Variants in ZCCHC2 observed in about 807,000 individuals in gnomAD.
ZCCHC2 encodes the protein zinc finger CCHC domain-containing protein 2.
A neutral mutation model predicts 103.6 loss-of-function variants in ZCCHC2; 39 were observed. That is an observed-to-expected ratio of 0.38 (90% CI 0.29 to 0.49). ZCCHC2 has a LOEUF of 0.49. ZCCHC2 is among the 20% of genes least tolerant of loss of function. ZCCHC2 has a pLI of 0.96. For missense variants in ZCCHC2, 1,483 were observed against 1,491.0 expected, an observed-to-expected ratio of 0.99 and a Z score of 0.09; for synonymous variants, 687 against 608.9, an observed-to-expected ratio of 1.13 and a Z score of -1.89.
chr18:62,574,486 A>G lies in ZCCHC2; in HGVS notation c.2405A>G (p.His802Arg). 6.2e-7 allele frequency: 1 copy of G among 1,613,866 alleles called. No individual in the cohort carries two copies. Among genetic ancestry groups the G allele is most frequent in the Admixed American group, 1.7e-5 (1 of 60,012 alleles). Reference sequence around the variant, plus strand: ...CCTATTCCATCAACCTTCCTTCCACACAGTAGTACTCCCGCTTTGCATCTT... The same window carrying G: ...CCTATTCCATCAACCTTCCTTCCACGCAGTAGTACTCCCGCTTTGCATCTT... ...PLPIPSTFLPHSSTPALHLTV... is the reference protein window; with the variant it reads ...PLPIPSTFLPRSSTPALHLTV... Residue 802 changes from histidine (H) to arginine (R), a missense_variant, in exon 13 of 14, where the codon CAC becomes CGC. His to Arg is a conservative substitution (Grantham distance 29). Coordinates refer to ENST00000269499, the MANE Select transcript of ZCCHC2 (RefSeq NM_017742.6).
chr18:62,551,446 G>A (rs1915659190), intron 5 of ZCCHC2: 1 of 152,216 alleles, frequency 6.6e-6, no homozygotes, highest in East Asian at 1.9e-4. Context: ...GTGACAGAAA[G>A]ACAATGAGGC....
chr18:62,542,615 C>T (rs372609090), intron 3 of ZCCHC2, 41 bp downstream of exon 3: 3 of 1,496,056 alleles, frequency 2.0e-6, no homozygotes, highest in Non-Finnish European at 2.7e-6. Flanking sequence ...ACGTGCTGTG[C>T]TCAATGATCT....
chr18:62,576,716 T>G lies in ZCCHC2; in HGVS notation c.*137T>G, dbSNP rs1916857759. The G allele has an allele frequency of 5.0e-6, 4 of 797,276 alleles. No homozygotes were observed. The highest frequency in any genetic ancestry group is 7.9e-6 in the Non-Finnish European group (4 of 506,318). 49.4% of individuals were successfully genotyped at this position (797,276 alleles called of 1,614,324 possible). On this transcript the variant is annotated 3_prime_UTR_variant, in exon 14 of 14. Transcript: ENST00000269499. ...ATGCAGTTGGGATTTTTCATTTCTC[T>G]TGTACCAATGTCCAAAACAAGAAAG...
chr18:62,564,639 G>C lies in ZCCHC2; in HGVS notation c.1751+4G>C, dbSNP rs1458804526. On this transcript the variant is annotated splice_donor_region_variant and intron_variant, in intron 10 of 13. Transcript: ENST00000269499. ...AAGGAAAGCCACAAACAGAAAAGTA[G>C]GTTCAATTTAAGGAAAGACAGCATA... 6.5e-7 allele frequency: 1 copy of C among 1,539,686 alleles called. No individual in the cohort carries two copies. The highest frequency in any genetic ancestry group is 8.8e-7 in the Non-Finnish European group (1 of 1,139,968).
chr18:62,546,927 A>C (rs1360202254), intron 4 of ZCCHC2, among the ~76,000 whole-genome samples: 1 of 152,216 alleles, frequency 6.6e-6, no homozygotes, highest in African/African-American at 2.4e-5. Flanking sequence ...ACATGAAATA[A>C]TCTGCAACGT....
chr18:62,532,113 G>A (rs974921996), intron 1 of ZCCHC2, among the ~76,000 whole-genome samples: 6 of 151,580 alleles, frequency 4.0e-5, no homozygotes, highest in African/African-American at 1.2e-4. Flanking sequence ...CAGTGAAGGG[G>A]TGTGTGTGTG....
At chr18:62,559,195 G>C (rs1320235052) in intron 7 of ZCCHC2, among the ~76,000 whole-genome samples, 1 of 152,192 alleles carries the variant, frequency 6.6e-6, no homozygotes. Flanking sequence ...GAGCTTCTCT[G>C]TGACAAAAGG....
At chr18:62,564,685 G>T in intron 10 of ZCCHC2, 50 bp downstream of exon 10, 1 of 1,329,496 alleles carries the variant, frequency 7.5e-7, no homozygotes, top group Non-Finnish European at 1.0e-6. Flanking sequence ...TAATAGGCCT[G>T]TTTAGTTTAT....
chr18:62,529,021 G>A (rs961771237), intron 1 of ZCCHC2, among the ~76,000 whole-genome samples: 12 of 151,970 alleles, frequency 7.9e-5, no homozygotes, highest in Admixed American at 2.0e-4. Context: ...TTAGCTGGGC[G>A]TGGTGGCAGG....
downstream of ZCCHC2, among the ~76,000 whole-genome samples, chr18:62,580,321 G>C (rs1397804588): frequency 6.6e-6 from 1 of 152,200 alleles, no homozygotes; most frequent in Non-Finnish European, 1.5e-5. Context: ...TGGGAACATT[G>C]TTGTCCCTGG....
At chr18:62,556,810 A>T (rs1311587633) in intron 6 of ZCCHC2, among the ~76,000 whole-genome samples, 1 of 152,086 alleles carries the variant, frequency 6.6e-6, no homozygotes, top group African/African-American at 2.4e-5. Flanking sequence ...CCTTTCTTTC[A>T]TGCACGGACT....
chr18:62,558,417 C>CTCAT (rs1488806975), intron 6 of ZCCHC2: 1 of 214,086 alleles, frequency 4.7e-6, no homozygotes, highest in Non-Finnish European at 9.2e-6. Context: ...ACTTTATTTC[C>CTCAT]TCATTTTGCA....
intron 12 of ZCCHC2, 98 bp from the exon 13 acceptor site, chr18:62,573,959 A>C (rs770543600): frequency 1.6e-4 from 204 of 1,298,412 alleles, no homozygotes; most frequent in Non-Finnish European, 2.1e-4. Context: ...GACACTTTCC[A>C]AACTTGAGTT....
intron 9 of ZCCHC2, among the ~76,000 whole-genome samples, chr18:62,563,379 C>T (rs1245851856): frequency 6.6e-6 from 1 of 152,100 alleles, no homozygotes; most frequent in East Asian, 1.9e-4. Context: ...TGACACCTTC[C>T]CAGGCGCCAT....
At chr18:62,568,418 G>A (rs1247831833) in intron 11 of ZCCHC2, among the ~76,000 whole-genome samples, 1 of 151,980 alleles carries the variant, frequency 6.6e-6, no homozygotes, top group Non-Finnish European at 1.5e-5. Context: ...AAGTTCTTAA[G>A]GTACCACACA....
At chr18:62,546,538 G>A (rs752572461) in intron 4 of ZCCHC2, among the ~76,000 whole-genome samples, 2 of 152,184 alleles carry the variant, frequency 1.3e-5, no homozygotes, top group African/African-American at 4.8e-5. Context: ...AATTGTGGGC[G>A]AGTTGCAGGA....
chr18:62,560,719 G>A (rs1916081699), intron 8 of ZCCHC2, 75 bp downstream of exon 8: 3 of 1,172,480 alleles, frequency 2.6e-6, no homozygotes, highest in African/African-American at 1.5e-5. Context: ...TTAAATTTCT[G>A]ATGTATTTGG....
intron 5 of ZCCHC2, among the ~76,000 whole-genome samples, chr18:62,554,465 T>C (rs1185704339): frequency 6.6e-6 from 1 of 152,246 alleles, no homozygotes; most frequent in African/African-American, 2.4e-5. Context: ...TCAAATAGTT[T>C]ATGGCCACTT....
chr18:62,566,631 C>T (rs1470050885), intron 11 of ZCCHC2, among the ~76,000 whole-genome samples: 2 of 152,230 alleles, frequency 1.3e-5, no homozygotes, highest in South Asian at 2.1e-4. Context: ...CTACTGCTCA[C>T]TAAAGAAGTT....
Sources: allele counts gnomAD v4.1 joint callset (sites outside exome capture counted in the v4.1 genomes callset), GRCh38; gene constraint gnomAD v4.1.1; transcripts MANE v1.5; gene names NCBI Gene and HGNC (gene_info 2026-07-23, HGNC 2026-07-21).